Variants in WDR20 observed in about 807,000 individuals in gnomAD.
WDR20 encodes the protein WD repeat-containing protein 20.
WDR20 carries 3 observed loss-of-function variants against 38.7 expected under a neutral mutation model. That is an observed-to-expected ratio of 0.08 (90% CI 0.04 to 0.20). The LOEUF is 0.20. Among genes scored for constraint, WDR20 ranks in the 10% least tolerant of loss-of-function variants. The pLI, the probability that WDR20 is intolerant of heterozygous loss-of-function variation, is 1.00. For missense variants in WDR20, 559 were observed against 727.7 expected, an observed-to-expected ratio of 0.77 and a Z score of 2.67; for synonymous variants, 298 against 285.6, an observed-to-expected ratio of 1.04 and a Z score of -0.44.
chr14:102,157,471 A>G (rs970626350), intron 1 of WDR20, among the ~76,000 whole-genome samples: 1 of 152,060 alleles, frequency 6.6e-6, no homozygotes, highest in African/African-American at 2.4e-5. Flanking sequence ...CTAGAATTCT[A>G]AGCTGGCCAT....
downstream of WDR20, among the ~76,000 whole-genome samples, chr14:102,217,063 G>C (rs2063310251): frequency 6.6e-6 from 1 of 152,212 alleles, no homozygotes; most frequent in Non-Finnish European, 1.5e-5. Flanking sequence ...TCCAGGGTCA[G>C]TGGCCTCCAA....
chr14:102,205,333 AAAG>A (rs1596920677), intron 2 of WDR20, among the ~76,000 whole-genome samples: 1 of 152,278 alleles, frequency 6.6e-6, no homozygotes, highest in Middle Eastern at 3.4e-3. Flanking sequence ...TTGGTATGAA[AAAG>A]AAGAGTGGAT....
chr14:102,217,129 A>G (rs1363612659), downstream of WDR20, among the ~76,000 whole-genome samples: 3 of 152,054 alleles, frequency 2.0e-5, no homozygotes, highest in Non-Finnish European at 4.4e-5. Context: ...CTTTGAAGTT[A>G]CTCAAGCTAG....
At chr14:102,185,168 T>G (rs1027149487) in intron 1 of WDR20, among the ~76,000 whole-genome samples, 1 of 152,156 alleles carries the variant, frequency 6.6e-6, no homozygotes, top group African/African-American at 2.4e-5. Flanking sequence ...TTGAAGGTAT[T>G]AATGAATGAT....
intron 1 of WDR20, among the ~76,000 whole-genome samples, chr14:102,146,614 A>G (rs2053722035): frequency 6.6e-6 from 1 of 152,196 alleles, no homozygotes; most frequent in South Asian, 2.1e-4. Context: ...GAATGCTCAT[A>G]TGGGAAATGT....
At chr14:102,167,380 A>G (rs1221476417) in intron 1 of WDR20, 1 of 152,046 alleles carries the variant, frequency 6.6e-6, no homozygotes, top group East Asian at 1.9e-4. Flanking sequence ...ACACTCGGCT[A>G]ATTTTTTTCT....
At position 102,198,723 on chromosome 14, in the gene WDR20, G is replaced by A. The variant is rs1308605397; in HGVS notation, c.432+3603G>A. On this transcript the variant is annotated intron_variant, in intron 2 of 2. Coordinates refer to ENST00000342702, the MANE Select transcript of WDR20 (RefSeq NM_144574.4). ...CCTTAGAAGGGAGCAGGTGCACAAG[G>A]CAGGCAGATTGGTGTTTTTGAAAGG... Among the ~76,000 whole-genome samples the A allele has an allele frequency of 2.6e-5, 4 of 152,272 alleles. No homozygotes were observed. The South Asian group carries it at 6.2e-4, about 24-fold the overall frequency.
chr14:102,184,522 T>TC (rs1394108225), intron 1 of WDR20, among the ~76,000 whole-genome samples: 1 of 152,034 alleles, frequency 6.6e-6, no homozygotes, highest in Non-Finnish European at 1.5e-5. Context: ...CCACAGAATG[T>TC]CCGCCCTCTG....
At chr14:102,182,727 G>A (rs1258107493) in intron 1 of WDR20, among the ~76,000 whole-genome samples, 1 of 151,316 alleles carries the variant, frequency 6.6e-6, no homozygotes, top group East Asian at 1.9e-4. Context: ...TATGATTATT[G>A]ACAAAAAGGC....
chr14:102,202,573 G>T (rs1198647191), intron 2 of WDR20, among the ~76,000 whole-genome samples: 1 of 151,598 alleles, frequency 6.6e-6, no homozygotes, highest in African/African-American at 2.4e-5. Flanking sequence ...GTAGAGACAG[G>T]GTTTCACCAT....
chr14:102,168,009 G>T (rs1434842774), intron 1 of WDR20, among the ~76,000 whole-genome samples: 4 of 152,252 alleles, frequency 2.6e-5, no homozygotes, highest in South Asian at 4.1e-4. Context: ...ACAGTTGTTC[G>T]CCTGATCTTT....
chr14:102,224,785 A>G (rs930182099), downstream of WDR20: 4 of 455,962 alleles, frequency 8.8e-6, no homozygotes, highest in African/African-American at 2.0e-5. Context: ...TGAACTATGG[A>G]GTGAGTCTTC....
intron 2 of WDR20, among the ~76,000 whole-genome samples, chr14:102,200,102 T>G (rs11160671): frequency 3.7e-4 from 56 of 152,080 alleles, no homozygotes; most frequent in African/African-American, 1.4e-3. Flanking sequence ...GGGACTGTCC[T>G]CAGTCACACT....
chr14:102,223,945 C>A (rs1021958417), downstream of WDR20, among the ~76,000 whole-genome samples: 1 of 151,898 alleles, frequency 6.6e-6, no homozygotes, highest in Non-Finnish European at 1.5e-5. Context: ...GTCCTCCTTT[C>A]GTCATTGAAA....
chr14:102,166,217 G>A (rs1303358122), intron 1 of WDR20, among the ~76,000 whole-genome samples: 1 of 151,244 alleles, frequency 6.6e-6, no homozygotes. Flanking sequence ...GAGCTCAAGC[G>A]ATCTGCCCGT....
chr14:102,207,659 G>A lies in WDR20; in HGVS notation c.433-944G>A, dbSNP rs1193359588. 1.3e-5 allele frequency among the ~76,000 whole-genome samples: 2 copies of A among 152,208 alleles called. No homozygotes were observed. The highest frequency in any genetic ancestry group is 2.1e-4 in the South Asian group (1 of 4,834). On this transcript the variant is annotated intron_variant, in intron 2 of 2. Coordinates refer to ENST00000342702, the MANE Select transcript of WDR20 (RefSeq NM_144574.4). The surrounding 1 kb of genome is among the most constrained non-coding windows in gnomAD (Gnocchi z 5.0). Reference sequence around the variant, plus strand: ...ACTTCTGGATGTGTTCTGGTGATGCGATTTTGCGCTCAGACGGTCCAGAAA... The same window carrying A: ...ACTTCTGGATGTGTTCTGGTGATGCAATTTTGCGCTCAGACGGTCCAGAAA...
intron 2 of WDR20, among the ~76,000 whole-genome samples, chr14:102,203,512 A>G (rs1340160062): frequency 6.6e-6 from 1 of 152,118 alleles, no homozygotes; most frequent in Non-Finnish European, 1.5e-5. Flanking sequence ...CTTCACAGCC[A>G]CAGCCTGAGT....
In WDR20 at chr14:102,163,674, A is replaced by C. The variant is rs552699094; in HGVS notation, c.249+23502A>C. 2.1e-3 allele frequency among the ~76,000 whole-genome samples: 307 copies of C among 147,616 alleles called. 1 individual carries two copies. Among genetic ancestry groups the C allele is most frequent in the African/African-American group, 7.2e-3 (288 of 40,088 alleles). On this transcript the variant is annotated intron_variant, in intron 1 of 2. Coordinates refer to ENST00000342702, the MANE Select transcript of WDR20 (RefSeq NM_144574.4). ...AATTAGTCTGTGGTATTCTGTTAAT[A>C]GCAGCAGAAAATGGAGTAAGACAGT... is the stretch of plus-strand genomic sequence containing the variant.
chr14:102,171,872 TTC>T (rs2060885502), intron 1 of WDR20, among the ~76,000 whole-genome samples: 1 of 151,692 alleles, frequency 6.6e-6, no homozygotes, highest in South Asian at 2.1e-4. Context: ...ATAGGGATTT[TTC>T]TGTTTTTTAT....
Sources: gnomAD v4.1 joint callset for allele counts (sites outside exome capture counted in the v4.1 genomes callset) on GRCh38, gnomAD v4.1.1 for gene constraint, Gnocchi (gnomAD v3.1) non-coding constraint, MANE v1.5 for transcripts, NCBI Gene and HGNC (gene_info 2026-07-23, HGNC 2026-07-21) for gene names.